Variants in TENM2 observed in about 807,000 individuals in gnomAD.
The protein encoded by TENM2 is teneurin transmembrane protein 2, also known as teneurin-2.
Under a neutral mutation model 245.2 loss-of-function variants are expected in TENM2, and 52 were observed. That is an observed-to-expected ratio of 0.21 (90% confidence interval 0.17 to 0.27). The LOEUF (loss-of-function observed/expected upper bound fraction) is 0.27. Ranked by LOEUF, TENM2 falls within the 10% of genes least tolerant of loss-of-function variation. The pLI is 1.00. For missense variants in TENM2, 3,046 were observed against 3,666.8 expected (o/e 0.83, Z 4.37); for synonymous variants, 1,363 against 1,438.9 (o/e 0.95, Z 1.19).
In TENM2 at chr5:167,584,547, C is replaced by T. The variant is rs189890259; in HGVS notation, c.502+209074C>T. On this transcript the variant is annotated intron_variant, in intron 2 of 28. Coordinates refer to ENST00000518659, the Ensembl canonical transcript of TENM2. ...GAAAGGGGAGTTGCAAAGGGAGAAGCCGGCTGAGGCTGATCCTTTTGTTAT... is the reference window on the plus strand; with the variant it reads ...GAAAGGGGAGTTGCAAAGGGAGAAGTCGGCTGAGGCTGATCCTTTTGTTAT... Among the ~76,000 whole-genome samples, 25 of 152,250 alleles carry T rather than the reference C, an allele frequency of 1.6e-4. No homozygotes were observed. The East Asian group carries it at 4.6e-3, about 28-fold the overall frequency.
intron 2 of TENM2, among the ~76,000 whole-genome samples, chr5:167,804,757 G>A (rs1423540725): frequency 2.0e-5 from 3 of 152,056 alleles, no homozygotes; most frequent in South Asian, 2.1e-4. Flanking sequence ...ACGGCATGGC[G>A]ATCAAGGGAC....
At chr5:168,248,148 C>G (rs750906906) in exon 27 of TENM2, 2 of 1,613,994 alleles carry the variant, frequency 1.2e-6, no homozygotes, top group Admixed American at 3.3e-5. Context: ...ACTCCAACCC[C>G]GACTTCCAGA....
intron 10 of TENM2, among the ~76,000 whole-genome samples, chr5:168,118,980 A>G (rs62383423): frequency 0.16 from 23,665 of 152,092 alleles, 2,086 homozygotes; most frequent in South Asian, 0.25. Context: ...GTTTGTTGTT[A>G]TTGTTGTTGT....
At chr5:167,301,018 A>C (rs1035265811) in intron 1 of TENM2, among the ~76,000 whole-genome samples, 3 of 152,144 alleles carry the variant, frequency 2.0e-5, no homozygotes, top group Non-Finnish European at 4.4e-5. Context: ...GCCCTTGAAA[A>C]GAAGGTAATG....
At chr5:167,841,101 G>A (rs188440959) in intron 2 of TENM2, among the ~76,000 whole-genome samples, 100 of 149,358 alleles carry the variant, frequency 6.7e-4, no homozygotes, top group Non-Finnish European at 1.1e-3. Context: ...CTGTCAACCC[G>A]GATGGAGTAC....
the TENM2 span, among the ~76,000 whole-genome samples, chr5:167,046,101 A>G: frequency 1.3e-5 from 2 of 152,162 alleles, no homozygotes; most frequent in African/African-American, 2.4e-5. Flanking sequence ...TTTCAAGTAC[A>G]CAGAGCAAGA....
At chr5:167,963,145 C>A (rs1781139804) in intron 4 of TENM2, among the ~76,000 whole-genome samples, 1 of 152,050 alleles carries the variant, frequency 6.6e-6, no homozygotes, top group Non-Finnish European at 1.5e-5. Flanking sequence ...CGAGAAAGAT[C>A]AAGAAAATTT....
chr5:167,675,775 T>C (rs1357396974), intron 2 of TENM2, among the ~76,000 whole-genome samples: 1 of 152,096 alleles, frequency 6.6e-6, no homozygotes, highest in Admixed American at 6.6e-5. Context: ...ACGTCCAGAA[T>C]GAAAACAGAA....
chr5:168,020,933 A>C (rs576889977), intron 5 of TENM2, among the ~76,000 whole-genome samples: 55 of 152,200 alleles, frequency 3.6e-4, no homozygotes, highest in Non-Finnish European at 1.0e-4. Flanking sequence ...AGCTCTATTA[A>C]ATAGATGTGC....
intron 2 of TENM2, among the ~76,000 whole-genome samples, chr5:167,872,570 G>GA (rs1350024829): frequency 6.8e-5 from 3 of 44,044 alleles, no homozygotes; most frequent in South Asian, 1.9e-3. Flanking sequence ...AAGAAAGAAA[G>GA]AAAGAAAGAA....
intron 13 of TENM2, among the ~76,000 whole-genome samples, chr5:168,180,174 A>C (rs1759742584): frequency 6.6e-6 from 1 of 152,186 alleles, no homozygotes; most frequent in Non-Finnish European, 1.5e-5. Context: ...CCAAGAACAA[A>C]GCCCCCAAAC....
At chr5:167,764,605 G>C (rs1370389607) in intron 2 of TENM2, among the ~76,000 whole-genome samples, 1 of 152,112 alleles carries the variant, frequency 6.6e-6, no homozygotes, top group East Asian at 1.9e-4. Flanking sequence ...ATTTTTACCT[G>C]CCTCTTTAGA....
At chr5:167,375,457 A>G (rs1486143519) in exon 2 of TENM2, 1 of 1,551,632 alleles carries the variant, frequency 6.4e-7, no homozygotes, top group Non-Finnish European at 8.7e-7. Context: ...ACGAAAACAA[A>G]TCAGATGATG....
the TENM2 span, among the ~76,000 whole-genome samples, chr5:167,253,428 T>G: frequency 6.6e-6 from 1 of 151,602 alleles, no homozygotes. Flanking sequence ...AGTCTTAGAG[T>G]CAACATTTTA....
intron 17 of TENM2, among the ~76,000 whole-genome samples, chr5:168,202,969 G>A (rs892570124): frequency 1.3e-5 from 2 of 152,138 alleles, no homozygotes; most frequent in Admixed American, 6.5e-5. Context: ...CATTTTACAC[G>A]TGGGGAAAAT....
At chr5:167,325,440 T>C (rs1201939157) in intron 1 of TENM2, among the ~76,000 whole-genome samples, 1 of 152,196 alleles carries the variant, frequency 6.6e-6, no homozygotes, top group African/African-American at 2.4e-5. Flanking sequence ...GTTGCTTTGT[T>C]CCCAGGAACA....
intron 1 of TENM2, among the ~76,000 whole-genome samples, chr5:167,310,261 G>A (rs1399686117): frequency 6.6e-6 from 1 of 152,128 alleles, no homozygotes; most frequent in Non-Finnish European, 1.5e-5. Flanking sequence ...ATGAATATAA[G>A]CAGTTTTATT....
intron 3 of TENM2, among the ~76,000 whole-genome samples, chr5:167,934,605 C>T (rs967028673): frequency 1.3e-4 from 20 of 152,254 alleles, no homozygotes; most frequent in African/African-American, 3.6e-4. Context: ...GAAATTGGAA[C>T]GAGGGAGTTT....
chr5:167,493,630 G>A (rs1347409306), intron 2 of TENM2, among the ~76,000 whole-genome samples: 1 of 152,038 alleles, frequency 6.6e-6, no homozygotes, highest in Non-Finnish European at 1.5e-5. Flanking sequence ...GAGATATGGA[G>A]GATTGAAGGT....
Sources: gnomAD v4.1 joint callset for allele counts (sites outside exome capture counted in the v4.1 genomes callset) on GRCh38, gnomAD v4.1.1 for gene constraint, MANE v1.5 for transcripts, NCBI Gene and HGNC (gene_info 2026-07-23, HGNC 2026-07-21) for gene names.